SLC35A5: variants seen among roughly 807,000 people sequenced by gnomAD.
SLC35A5 encodes solute carrier family 35 member A5.
A neutral mutation model predicts 36.3 loss-of-function variants in SLC35A5; 28 were observed. That is an observed-to-expected ratio of 0.77 (90% CI 0.57 to 1.06). The LOEUF is 1.06. Ranked by LOEUF, SLC35A5 falls within the 50% of genes least tolerant of loss-of-function variation. SLC35A5 has a pLI of 0.00. For synonymous variants in SLC35A5, 180 were observed against 173.7 expected (o/e 1.04, Z -0.29); for missense variants, 521 against 499.3 (o/e 1.04, Z -0.41).
chr3:112,580,626 CTT>C lies in SLC35A5; in HGVS notation c.511_512del (p.Leu171ThrfsTer27). 1 of 1,614,094 alleles carries C rather than the reference CTT, an allele frequency of 6.2e-7. No homozygotes were observed. Among genetic ancestry groups the C allele is most frequent in the South Asian group, 1.1e-5 (1 of 91,078 alleles). ...GTGGCCTTGACTGCCGGGACTAAAA[CTT>C]TACAGCACAACTTGGCAGGACGTGG... On this transcript the variant is annotated frameshift_variant, in exon 6 of 7. Transcript: ENST00000492406. LOFTEE classifies it high-confidence loss of function.
chr3:112,572,742 A>G (rs1934501881), intron 4 of SLC35A5, among the ~76,000 whole-genome samples: 1 of 152,212 alleles, frequency 6.6e-6, no homozygotes. Context: ...GTTTGGGCCA[A>G]AGAGCTCTGA....
intron 5 of SLC35A5, among the ~76,000 whole-genome samples, chr3:112,574,646 AAATT>A (rs1159586227): frequency 6.0e-5 from 9 of 151,054 alleles, no homozygotes; most frequent in Non-Finnish European, 1.0e-4. Flanking sequence ...TTAAAAAATA[AAATT>A]AATTTCTTAT....
In SLC35A5 at chr3:112,570,657, C is replaced by T; in HGVS notation, c.347C>T (p.Ser116Phe). The T allele has an allele frequency of 6.3e-7, 1 of 1,589,674 alleles. No individual in the cohort carries two copies. Among genetic ancestry groups the T allele is most frequent in the Non-Finnish European group, 8.6e-7 (1 of 1,169,448 alleles). The part of the protein sequence containing the change: ...LDNLIVFYVL[S>F]YLQPAMAVIF... ...AACTTGATTGTCTTCTATGTCCTGT[C>T]CTATCTTCAACCAGTAAGTAAATAT... The change falls in exon 4 of 7, where the codon TCC becomes TTC. Residue 116 changes from serine to phenylalanine, a missense_variant. By Grantham distance (155) the Ser-to-Phe change is radical. Transcript: ENST00000492406.
At chr3:112,566,399 A>G (rs942350293) in intron 2 of SLC35A5, among the ~76,000 whole-genome samples, 3 of 152,218 alleles carry the variant, frequency 2.0e-5, no homozygotes, top group Non-Finnish European at 4.4e-5. Flanking sequence ...ATAGTGGGCA[A>G]TAAGTTAAAT....
intron 2 of SLC35A5, among the ~76,000 whole-genome samples, chr3:112,568,591 T>C (rs1662483426): frequency 6.6e-6 from 1 of 152,236 alleles, no homozygotes; most frequent in Non-Finnish European, 1.5e-5. Context: ...AGCAGAGCCC[T>C]AGGCCAGTTG....
rs558563923 is a variant in SLC35A5 at position 112,575,094 on chromosome 3, G to A, written c.428+1138G>A. Among the ~76,000 whole-genome samples the A allele has an allele frequency of 3.9e-5, 6 of 152,200 alleles. No homozygotes were observed. In the East Asian group the frequency reaches 1.2e-3, roughly 29 times the overall value. On this transcript the variant is annotated intron_variant, in intron 5 of 6. Transcript: ENST00000492406. Reference sequence around the variant, plus strand: ...AAAGTTGACTTTTGAGAAAAGGTAAGCAAGCAATAATATTTGTATATTGAT... The same window carrying A: ...AAAGTTGACTTTTGAGAAAAGGTAAACAAGCAATAATATTTGTATATTGAT...
In SLC35A5 at chr3:112,563,441, C is replaced by G. The variant is rs201886373; in HGVS notation, c.38C>G (p.Ser13Cys). The change falls in exon 2 of 7, where the codon TCC (serine) becomes TGC (cysteine). Residue 13 changes from serine (S) to cysteine (C), a missense_variant. Coordinates refer to ENST00000492406, the MANE Select transcript of SLC35A5 (RefSeq NM_017945.5). ...KQCCSHPVIC[S>C]LSTMYTFLLG... ...TGCTGTAGTCATCCTGTAATATGCT[C>G]CTTGTCAACAATGTATACATTCCTG... is the stretch of plus-strand genomic sequence containing the variant. 1.6e-5 allele frequency: 26 copies of G among 1,592,144 alleles called. No homozygotes were observed. The African/African-American group carries it at 2.7e-4, about 16-fold the overall frequency.
rs1934239158 is a variant in SLC35A5, at chr3:112,567,265, T to C, written c.131-1906T>C. 2.0e-5 allele frequency among the ~76,000 whole-genome samples: 3 copies of C among 151,520 alleles called. No homozygotes were observed. In the South Asian group the frequency reaches 6.3e-4, roughly 32 times the overall value. On this transcript the variant is annotated intron_variant, in intron 2 of 6. Coordinates refer to ENST00000492406, the MANE Select transcript of SLC35A5 (RefSeq NM_017945.5). ...AAAAACAGACAAACAAACAAAAAGA[T>C]ACACTAAAGCCAAAGGAAATGGAGC...
upstream of SLC35A5, chr3:112,561,969 T>C (rs1933915037): frequency 5.5e-6 from 1 of 182,468 alleles, no homozygotes; most frequent in African/African-American, 2.4e-5. Flanking sequence ...CACTAGACTC[T>C]CCCGGCACGT....
intron 2 of SLC35A5, among the ~76,000 whole-genome samples, chr3:112,568,271 T>G (rs925432302): frequency 6.6e-6 from 1 of 152,208 alleles, no homozygotes; most frequent in African/African-American, 2.4e-5. Context: ...ATAGACAGTG[T>G]CCACTTGGCT....
chr3:112,582,883 C>A lies in SLC35A5; in HGVS notation c.*147C>A. ...TATCTAGCTACTCCCTAAATGGTTC[C>A]ATCCAAGGCTTAGAGTACCCAAAGG... On this transcript the variant is annotated 3_prime_UTR_variant, in exon 7 of 7. Transcript: ENST00000492406. 1 of 637,852 alleles carries A rather than the reference C, an allele frequency of 1.6e-6. No homozygotes were observed. The allele number at this position is 637,852 out of a possible 1,614,324, so 39.5% of individuals were successfully genotyped here.
chr3:112,582,646 T>C (rs766519693), intron 6 of SLC35A5, 25 bp from the exon 7 acceptor site: 1 of 1,594,246 alleles, frequency 6.3e-7, no homozygotes, highest in South Asian at 1.1e-5. Context: ...TTTGTTCTAA[T>C]TACTGCTTTC....
At chr3:112,576,972 A>T (rs1934702653) in intron 5 of SLC35A5, among the ~76,000 whole-genome samples, 1 of 152,052 alleles carries the variant, frequency 6.6e-6, no homozygotes, top group Non-Finnish European at 1.5e-5. Context: ...TTTCATTTAG[A>T]ATATTAAATC....
chr3:112,563,817 T>C (rs1388570733), intron 2 of SLC35A5, among the ~76,000 whole-genome samples: 2 of 152,212 alleles, frequency 1.3e-5, no homozygotes, highest in Non-Finnish European at 2.9e-5. Flanking sequence ...TTTCTGGACC[T>C]ATAGCAAAAT....
chr3:112,563,396 A>T lies in SLC35A5; in HGVS notation c.-8A>T. 1.3e-6 allele frequency: 2 copies of T among 1,497,508 alleles called. No homozygotes were observed. The highest frequency in any genetic ancestry group is 1.8e-4 in the Middle Eastern group (1 of 5,592). 92.8% of individuals were successfully genotyped at this position (1,497,508 alleles called of 1,614,324 possible). On this transcript the variant is annotated 5_prime_UTR_variant, in exon 2 of 7. Transcript: ENST00000492406. The stretch of plus-strand genomic sequence containing the variant: ...TTTTTCTCTTTAAGGTAATTAAAAA[A>T]CAGTGGAATGGAAAAACAGTGCTGT...
chr3:112,581,223 C>T lies in SLC35A5; in HGVS notation c.1106C>T (p.Ser369Phe). 1 of 1,613,838 alleles carries T rather than the reference C, an allele frequency of 6.2e-7. No homozygotes were observed. The highest frequency in any genetic ancestry group is 8.5e-7 in the Non-Finnish European group (1 of 1,179,900). ...FFLEAPSVLL[S>F]IFIYNASKPQ... ...TTGGAAGCCCCATCAGTCCTTCTCT[C>T]TATATTTATTTATAATGCCAGCAAG... Residue 369 changes from serine (S) to phenylalanine (F), a missense_variant, in exon 6 of 7, where the codon TCT becomes TTT. By Grantham distance (155) the Ser-to-Phe change is radical. Coordinates refer to ENST00000492406, the MANE Select transcript of SLC35A5 (RefSeq NM_017945.5).
Position 112,581,301 on chromosome 3 carries a change from G to T in SLC35A5, c.1184G>T (p.Gly395Val), listed in dbSNP as rs1229219254. ...PRQERIRDLS[G>V]NLWERSSGDG... ...CAAGAAAGGATCCGAGATCTAAGTG[G>T]CAATCTTTGGGAGCGTTCCAGTGGG... The change falls in exon 6 of 7, where the codon GGC becomes GTC. Residue 395 changes from glycine to valine, a missense_variant. By Grantham distance (109) the Gly-to-Val change is moderately radical. Coordinates refer to ENST00000492406, the MANE Select transcript of SLC35A5 (RefSeq NM_017945.5). 1 of 1,610,684 alleles carries T rather than the reference G, an allele frequency of 6.2e-7. No homozygotes were observed. The highest frequency in any genetic ancestry group is 8.5e-7 in the Non-Finnish European group (1 of 1,178,662).
chr3:112,576,458 G>T (rs936158125), intron 5 of SLC35A5, among the ~76,000 whole-genome samples: 5 of 150,262 alleles, frequency 3.3e-5, no homozygotes, highest in African/African-American at 9.9e-5. Context: ...CAGTTTAGTA[G>T]TGTTAAGTCT....
intron 4 of SLC35A5, among the ~76,000 whole-genome samples, chr3:112,571,659 C>T (rs943400468): frequency 6.6e-6 from 1 of 152,022 alleles, no homozygotes; most frequent in Admixed American, 6.6e-5. Flanking sequence ...TGGCGGAAGG[C>T]GAAAGAGGAG....
Sources: allele counts gnomAD v4.1 joint callset (sites outside exome capture counted in the v4.1 genomes callset), GRCh38; gene constraint gnomAD v4.1.1; transcripts MANE v1.5; gene names NCBI Gene and HGNC (gene_info 2026-07-23, HGNC 2026-07-21).